Variants in TENM3 observed in about 807,000 individuals in gnomAD.
TENM3 encodes the protein teneurin-3.
Under a neutral mutation model 255.1 loss-of-function variants are expected in TENM3, and 63 were observed. The ratio of observed to expected loss-of-function variants is 0.25; its 90% CI spans 0.20 to 0.30. The LOEUF is 0.30. Ranked by LOEUF, TENM3 falls within the 10% of genes least tolerant of loss-of-function variation. The probability of loss-of-function intolerance (pLI) is 1.00; values close to 1 mark genes in which losing one functional copy is unlikely to be tolerated. For missense variants in TENM3, 2,929 were observed against 3,461.1 expected, an observed-to-expected ratio of 0.85 and a Z score of 3.86; for synonymous variants, 1,306 against 1,322.3, an observed-to-expected ratio of 0.99 and a Z score of 0.27.
At chr4:181,970,154 T>C in the TENM3 span, among the ~76,000 whole-genome samples, 1 of 152,250 alleles carries the variant, frequency 6.6e-6, no homozygotes, top group Non-Finnish European at 1.5e-5. Context: ...CATCTAGACA[T>C]AATTCTAACT....
intron 4 of TENM3, among the ~76,000 whole-genome samples, chr4:182,607,933 C>T (rs1019713464): frequency 6.6e-6 from 1 of 152,086 alleles, no homozygotes; most frequent in African/African-American, 2.4e-5. Flanking sequence ...TGAACGTGAA[C>T]AGTGTAAAAG....
At chr4:182,352,310 A>G (rs1765242076) in intron 3 of TENM3, among the ~76,000 whole-genome samples, 3 of 152,148 alleles carry the variant, frequency 2.0e-5, no homozygotes, top group Admixed American at 6.5e-5. Flanking sequence ...TGTACATTGA[A>G]TGGTGCTGAT....
intron 3 of TENM3, among the ~76,000 whole-genome samples, chr4:182,492,765 C>A (rs1560824600): frequency 6.6e-6 from 1 of 152,104 alleles, no homozygotes; most frequent in Non-Finnish European, 1.5e-5. Flanking sequence ...GAGAAAATAA[C>A]AATAAACTGA....
chr4:181,470,740 A>G, the TENM3 span, among the ~76,000 whole-genome samples: 1 of 152,070 alleles, frequency 6.6e-6, no homozygotes, highest in Admixed American at 6.6e-5. Flanking sequence ...TGCTATTCCC[A>G]TTTTTTGTTC....
the TENM3 span, among the ~76,000 whole-genome samples, chr4:181,949,675 C>T: frequency 6.6e-6 from 1 of 152,170 alleles, no homozygotes; most frequent in Admixed American, 6.5e-5. Flanking sequence ...CTCTACGTAT[C>T]CCCTTCAATG....
chr4:181,633,336 A>G, the TENM3 span, among the ~76,000 whole-genome samples: 1 of 152,216 alleles, frequency 6.6e-6, no homozygotes, highest in Non-Finnish European at 1.5e-5. Context: ...TAATTATTTT[A>G]GCAGCTATTC....
chr4:182,260,566 TAAC>T lies in TENM3; in HGVS notation c.-76+17092_-76+17094del, dbSNP rs1758714196. Among the ~76,000 whole-genome samples the T allele has an allele frequency of 2.6e-5, 4 of 152,338 alleles. No individual in the cohort carries two copies. In the South Asian group the frequency reaches 8.3e-4, roughly 32 times the overall value. ...TTATACAGTTGGGGACAGTCTGTAA[TAAC>T]AGTTTTTTTATACTTCTGTTTTTGA... is the stretch of plus-strand genomic sequence containing the variant. On this transcript the variant is annotated intron_variant, in intron 1 of 27. Transcript: ENST00000511685.
chr4:181,684,312 A>G, the TENM3 span, among the ~76,000 whole-genome samples: 2 of 152,206 alleles, frequency 1.3e-5, no homozygotes, highest in African/African-American at 2.4e-5. Flanking sequence ...TTAGGAATCC[A>G]TTATTTTGAA....
the TENM3 span, among the ~76,000 whole-genome samples, chr4:181,869,437 A>G: frequency 6.6e-6 from 1 of 152,172 alleles, no homozygotes; most frequent in Non-Finnish European, 1.5e-5. Context: ...TAATTAATTT[A>G]AGGTTATGCA....
chr4:181,517,725 A>C, the TENM3 span, among the ~76,000 whole-genome samples: 4 of 152,336 alleles, frequency 2.6e-5, no homozygotes, highest in Admixed American at 2.0e-4. Flanking sequence ...TGAATGATTC[A>C]CACACGCTAT....
chr4:181,963,177 G>C, the TENM3 span, among the ~76,000 whole-genome samples: 1 of 152,278 alleles, frequency 6.6e-6, no homozygotes, highest in Admixed American at 6.5e-5. Flanking sequence ...TTCTACAAAA[G>C]CTGTCTCAAA....
chr4:182,413,701 C>T (rs1194328052), intron 3 of TENM3, among the ~76,000 whole-genome samples: 1 of 152,118 alleles, frequency 6.6e-6, no homozygotes, highest in African/African-American at 2.4e-5. Context: ...GAAGATTTTC[C>T]CCAAATGCTT....
the TENM3 span, among the ~76,000 whole-genome samples, chr4:181,571,208 C>A: frequency 6.6e-6 from 1 of 151,852 alleles, no homozygotes; most frequent in African/African-American, 2.4e-5. Flanking sequence ...AAGCTGGAGG[C>A]GGGAAAGTAG....
the TENM3 span, among the ~76,000 whole-genome samples, chr4:182,043,621 C>T: frequency 6.6e-6 from 1 of 152,122 alleles, no homozygotes; most frequent in Admixed American, 6.6e-5. Context: ...TAATAGACTT[C>T]AAATAAATTA....
intron 22 of TENM3, among the ~76,000 whole-genome samples, chr4:182,756,340 G>A (rs984214862): frequency 2.0e-5 from 3 of 152,168 alleles, no homozygotes; most frequent in African/African-American, 7.2e-5. Flanking sequence ...TGGAGTGGTG[G>A]CCCGGGCACT....
the TENM3 span, among the ~76,000 whole-genome samples, chr4:182,039,638 A>G: frequency 1.3e-5 from 2 of 152,030 alleles, no homozygotes; most frequent in African/African-American, 4.8e-5. Flanking sequence ...ACATATACAT[A>G]CATACATGAC....
intron 7 of TENM3, among the ~76,000 whole-genome samples, chr4:182,677,011 T>C (rs1755720438): frequency 1.3e-5 from 2 of 152,194 alleles, no homozygotes; most frequent in African/African-American, 4.8e-5. Flanking sequence ...CAAAAATATA[T>C]CTGCATCTCC....
the TENM3 span, among the ~76,000 whole-genome samples, chr4:182,034,452 T>C: frequency 6.6e-6 from 1 of 152,160 alleles, no homozygotes; most frequent in Non-Finnish European, 1.5e-5. Context: ...ATTTTGCAGA[T>C]TTGTTGATGT....
chr4:181,998,519 C>T, the TENM3 span, among the ~76,000 whole-genome samples: 1 of 152,144 alleles, frequency 6.6e-6, no homozygotes, highest in Non-Finnish European at 1.5e-5. Context: ...ACTGAGCTGC[C>T]TGTGCTGCCT....
Sources: gnomAD v4.1 joint callset for allele counts (sites outside exome capture counted in the v4.1 genomes callset) on GRCh38, gnomAD v4.1.1 for gene constraint, MANE v1.5 for transcripts, NCBI Gene and HGNC (gene_info 2026-07-23, HGNC 2026-07-21) for gene names.